FSD1L: variants seen among roughly 807,000 people sequenced by gnomAD.
FSD1L encodes FSD1-like protein.
FSD1L carries 45 observed loss-of-function variants against 71.6 expected under a neutral mutation model. The ratio of observed to expected loss-of-function variants is 0.63; its 90% CI spans 0.49 to 0.81. FSD1L has a LOEUF of 0.81. FSD1L is among the 30% of genes least tolerant of loss of function. The probability of loss-of-function intolerance (pLI) is 0.00; values close to 1 mark genes in which losing one functional copy is unlikely to be tolerated. For synonymous variants in FSD1L, 197 were observed against 207.2 expected, an observed-to-expected ratio of 0.95 and a Z score of 0.42; for missense variants, 561 against 618.1, an observed-to-expected ratio of 0.91 and a Z score of 0.98.
intron 10 of FSD1L, chr9:105,521,380 G>A (rs1449167252): frequency 6.2e-6 from 10 of 1,614,028 alleles, no homozygotes; most frequent in African/African-American, 2.7e-5. Context: ...CTCACGGAGC[G>A]AGAACCTAGC....
At chr9:105,507,472 C>T (rs1834123922) in intron 8 of FSD1L, among the ~76,000 whole-genome samples, 1 of 152,154 alleles carries the variant, frequency 6.6e-6, no homozygotes. Flanking sequence ...TAATACATCT[C>T]ATTTATCTTT....
intron 7 of FSD1L, among the ~76,000 whole-genome samples, chr9:105,498,190 T>TTTGTTATTATTA (rs1554708758): frequency 7.0e-6 from 1 of 143,412 alleles, no homozygotes; most frequent in Non-Finnish European, 1.5e-5. Flanking sequence ...TTGCTTTGGC[T>TTTGTTATTATTA]TTATTATTAT....
At chr9:105,524,296 C>T in intron 10 of FSD1L, 11 of 1,613,030 alleles carry the variant, frequency 6.8e-6, no homozygotes, top group Non-Finnish European at 9.3e-6. Flanking sequence ...CATTATGTAC[C>T]TAGACTTCAG....
chr9:105,528,055 A>G (rs1835637544), intron 10 of FSD1L, among the ~76,000 whole-genome samples: 1 of 152,250 alleles, frequency 6.6e-6, no homozygotes, highest in African/African-American at 2.4e-5. Flanking sequence ...ATTGCTACAA[A>G]GAGAATACGT....
Sources: gnomAD v4.1 joint callset for allele counts (sites outside exome capture counted in the v4.1 genomes callset) on GRCh38, gnomAD v4.1.1 for gene constraint, MANE v1.5 for transcripts, NCBI Gene and HGNC (gene_info 2026-07-23, HGNC 2026-07-21) for gene names.